The following ZFP57 variants were observed in gnomAD, a reference collection of about 807,000 sequenced individuals.
ZFP57 encodes ZFP57 zinc finger protein.
A neutral mutation model predicts 15.8 loss-of-function variants in ZFP57; 12 were observed. The observed-to-expected ratio is 0.76, with a 90% CI of 0.49 to 1.23. The LOEUF is 1.23. Among genes scored for constraint, ZFP57 ranks in the 50% most tolerant of loss-of-function variants. The pLI is 0.00. For missense variants in ZFP57, 536 were observed against 654.9 expected (o/e 0.82, Z 1.98); for synonymous variants, 203 against 242.3 (o/e 0.84, Z 1.51).
intron 1 of ZFP57, among the ~76,000 whole-genome samples, chr6:29,680,201 G>A (rs1772273198): frequency 6.6e-6 from 1 of 152,200 alleles, no homozygotes; most frequent in Non-Finnish European, 1.5e-5. Context: ...TGTAAGAGCT[G>A]GAGGCCGCCT....
chr6:29,675,903 G>C, intron 3 of ZFP57, 30 bp downstream of exon 3: 1 of 1,612,922 alleles, frequency 6.2e-7, no homozygotes. Context: ...TTAGGACAGG[G>C]GGCTTGCTGA....
chr6:29,680,496 C>T (rs1211029105), intron 1 of ZFP57, among the ~76,000 whole-genome samples: 1 of 152,196 alleles, frequency 6.6e-6, no homozygotes, highest in Non-Finnish European at 1.5e-5. Context: ...CCTGCAGTCG[C>T]ACGGCCCTTT....
chr6:29,673,692 T>C lies in ZFP57; in HGVS notation c.419A>G (p.Lys140Arg). 1 of 1,613,068 alleles carries C rather than the reference T, an allele frequency of 6.2e-7. No homozygotes were observed. Among genetic ancestry groups the C allele is most frequent in the Non-Finnish European group, 8.5e-7 (1 of 1,180,004 alleles). The change falls in exon 5 of 5, where the codon AAG (lysine) becomes AGG (arginine). Residue 140 changes from lysine to arginine, a missense_variant. Physicochemically the swap from Lys to Arg is conservative, Grantham distance 26. Transcript: ENST00000376883. The surrounding 1 kb of genome is among the most constrained non-coding windows in gnomAD (Gnocchi z 4.7). ...SLRDEGTSDD[K>R]VFLACRGAGQ... ...GGCCCCTCTGCATGCAAGGAAGACC[T>C]TGTCATCACTAGTCCCCTCATCTCT...
rs9278235 is a variant in ZFP57, at chr6:29,677,768, TACACAC to T, written c.-363-408_-363-403del. Among the ~76,000 whole-genome samples the T allele has an allele frequency of 8.6e-4, 129 of 149,632 alleles. 2 individuals are homozygous for T. The highest frequency in any genetic ancestry group is 4.3e-4 in the Non-Finnish European group (29 of 67,430). On this transcript the variant is annotated intron_variant, in intron 1 of 4. Transcript: ENST00000376883. ...AAGATCTCTTCCATGACCAAAATTA[TACACAC>T]ACACACACACACACACACACACAAT... is the stretch of plus-strand genomic sequence containing the variant.
Position 29,673,374 on chromosome 6 carries a change from A to C in ZFP57, c.737T>G (p.Leu246Arg), listed in dbSNP as rs1222131878. The C allele has an allele frequency of 6.2e-7, 1 of 1,613,084 alleles. No homozygotes were observed. The highest frequency in any genetic ancestry group is 2.2e-5 in the East Asian group (1 of 44,888). ...CDKTYCDASG[L>R]SRHRRVHLGY... ...CAGATGGACGCGGCGGTGACGACTTAGTCCAGAAGCATCACAGTAGGTCTT... is the reference window on the plus strand; with the variant it reads ...CAGATGGACGCGGCGGTGACGACTTCGTCCAGAAGCATCACAGTAGGTCTT... Residue 246 changes from leucine (L) to arginine (R), a missense_variant, in exon 5 of 5, where the codon CTA becomes CGA. Leu to Arg is a moderately radical substitution (Grantham distance 102). Coordinates refer to ENST00000376883, the MANE Select transcript of ZFP57 (RefSeq NM_001109809.5). The surrounding 1 kb of genome is among the most constrained non-coding windows in gnomAD (Gnocchi z 4.7).
Position 29,675,201 on chromosome 6 carries a change from C to CAACTTGAA in ZFP57, c.352+177_352+184dup, listed in dbSNP as rs9280637. Among the ~76,000 whole-genome samples the CAACTTGAA allele has an allele frequency of 0.22, 32,603 of 145,816 alleles. 3,713 individuals carry two copies. Among genetic ancestry groups the CAACTTGAA allele is most frequent in the East Asian group, 0.34 (1,615 of 4,818 alleles). The stretch of plus-strand genomic sequence containing the variant: ...AGAGAGAGAGAGAGACTTGGATCTT[C>CAACTTGAA]AACTTGAAGTCAAGGGACTTGAGCC... On this transcript the variant is annotated intron_variant, in intron 4 of 4. Transcript: ENST00000376883.
intron 4 of ZFP57, among the ~76,000 whole-genome samples, chr6:29,674,042 C>T (rs1256361134): frequency 1.3e-5 from 2 of 149,028 alleles, no homozygotes; most frequent in Non-Finnish European, 3.0e-5. Flanking sequence ...TGCAGTGAGC[C>T]AAGATGGTGC....
In ZFP57 at chr6:29,673,891, C is replaced by T. The variant is rs1162554921; in HGVS notation, c.353-133G>A. On this transcript the variant is annotated intron_variant, in intron 4 of 4. Coordinates refer to ENST00000376883, the MANE Select transcript of ZFP57 (RefSeq NM_001109809.5). This position sits in a 1 kb window ranked among gnomAD's most constrained non-coding sequence, Gnocchi z 4.7. ...AGCGGATCACCTGAGGTTAGGAGTTCGAAACCAGCCTGACCAACATGGTGA... is the reference window on the plus strand; with the variant it reads ...AGCGGATCACCTGAGGTTAGGAGTTTGAAACCAGCCTGACCAACATGGTGA... 7 of 985,806 alleles carry T rather than the reference C, an allele frequency of 7.1e-6. No homozygotes were observed. The highest frequency in any genetic ancestry group is 4.0e-5 in the Admixed American group (2 of 50,508). The allele number at this position is 985,806 out of a possible 1,614,324, so 61.1% of individuals were successfully genotyped here.
Position 29,676,889 on chromosome 6 carries a change from C to A in ZFP57, c.115G>T (p.Val39Leu). The change falls in exon 2 of 5, where the codon GTG (valine) becomes TTG (leucine). Residue 39 changes from valine to leucine, a missense_variant. By Grantham distance (32) the Val-to-Leu change is conservative (BLOSUM62 1). Coordinates refer to ENST00000376883, the MANE Select transcript of ZFP57 (RefSeq NM_001109809.5). ...MKRDCWREAR[V>L]KKKPVTFEDV... ...TAGCTTAGTCTCCTCACCTTCTTCA[C>A]CCGTGCCTCCCTCCAGCAATCTCTC... 6.2e-7 allele frequency: 1 copy of A among 1,614,144 alleles called. No homozygotes were observed. Among genetic ancestry groups the A allele is most frequent in the Non-Finnish European group, 8.5e-7 (1 of 1,179,984 alleles).
chr6:29,678,434 C>T (rs1464814259), intron 1 of ZFP57, among the ~76,000 whole-genome samples: 2 of 152,134 alleles, frequency 1.3e-5, no homozygotes, highest in African/African-American at 4.8e-5. Context: ...TCAAGAATGC[C>T]TTATTTTACT....
chr6:29,675,196 A>T (rs1434870085), intron 4 of ZFP57, among the ~76,000 whole-genome samples, 190 bp downstream of exon 4: 3 of 128,338 alleles, frequency 2.3e-5, no homozygotes, highest in Non-Finnish European at 1.7e-5. Context: ...AGAGACTTGG[A>T]TCTTCAACTT....
At chr6:29,678,181 G>A (rs3117288) in intron 1 of ZFP57, among the ~76,000 whole-genome samples, 7,738 of 152,252 alleles carry the variant, frequency 0.051, 412 homozygotes, top group African/African-American at 0.14. Flanking sequence ...TCCAGCCTGG[G>A]ACATAGAGCG....
rs1202743486 is a variant in ZFP57 at position 29,676,035 on chromosome 6, C to T, written c.148G>A (p.Ala50Thr). 3.7e-6 allele frequency: 6 copies of T among 1,612,908 alleles called. No individual in the cohort carries two copies. The highest frequency in any genetic ancestry group is 3.3e-5 in the Admixed American group (2 of 59,962). The change falls in exon 3 of 5, where the codon GCA becomes ACA. Residue 50 changes from alanine to threonine, a missense_variant. Ala to Thr is a moderately conservative substitution (Grantham distance 58, BLOSUM62 0). Coordinates refer to ENST00000376883, the MANE Select transcript of ZFP57 (RefSeq NM_001109809.5). ...KKKPVTFEDV[A>T]VNFTQEEWDC... ...CACTCTTCCTGGGTGAAATTCACTG[C>T]CACATCCTCAAAGGTGACTGGCTTC...
Position 29,673,256 on chromosome 6 carries a change from C to T in ZFP57, c.855G>A (p.Glu285=), listed in dbSNP as rs1771823863. The T allele has an allele frequency of 1.2e-6, 2 of 1,613,056 alleles. No homozygotes were observed. Among genetic ancestry groups the T allele is most frequent in the Middle Eastern group, 1.6e-4 (1 of 6,062 alleles). The part of the protein sequence containing the change: ...KRHQKIHQNQ[E]PVDGNQECTL... ...TACACTCCTGGTTTCCATCCACTGG[C>T]TCCTGGTTTTGGTGTATCTTCTGGT... The change falls in exon 5 of 5, where the codon GAG becomes GAA. Residue 285 remains glutamate, a synonymous_variant. Coordinates refer to ENST00000376883, the MANE Select transcript of ZFP57 (RefSeq NM_001109809.5). This position sits in a 1 kb window ranked among gnomAD's most constrained non-coding sequence, Gnocchi z 4.7.
rs755803647 is a variant in ZFP57 at position 29,676,866 on chromosome 6, G to A, written c.123+15C>T. Reference sequence around the variant, plus strand: ...AGGACCTGGACCCCACCTCTCTCTAGCTTAGTCTCCTCACCTTCTTCACCC... The same window carrying A: ...AGGACCTGGACCCCACCTCTCTCTAACTTAGTCTCCTCACCTTCTTCACCC... On this transcript the variant is annotated intron_variant, in intron 2 of 4. Coordinates refer to ENST00000376883, the MANE Select transcript of ZFP57 (RefSeq NM_001109809.5). The A allele has an allele frequency of 3.1e-6, 5 of 1,613,956 alleles. No individual in the cohort carries two copies. Among genetic ancestry groups the A allele is most frequent in the Non-Finnish European group, 2.5e-6 (3 of 1,179,960 alleles).
intron 1 of ZFP57, among the ~76,000 whole-genome samples, chr6:29,678,415 TG>T (rs1738380716): frequency 6.6e-6 from 1 of 152,230 alleles, no homozygotes; most frequent in South Asian, 2.1e-4. Flanking sequence ...GTATAGCAGT[TG>T]CCTGTGCTCA....
chr6:29,676,749 G>A (rs1772097469), intron 2 of ZFP57, 132 bp downstream of exon 2: 1 of 1,206,616 alleles, frequency 8.3e-7, no homozygotes, highest in East Asian at 2.4e-5. Flanking sequence ...AGGTCTTGCA[G>A]CTCCTTTTTC....
intron 2 of ZFP57, among the ~76,000 whole-genome samples, chr6:29,676,554 A>G (rs1322732537): frequency 2.0e-5 from 3 of 151,556 alleles, no homozygotes; most frequent in Non-Finnish European, 4.4e-5. Context: ...AAAAAAGAAA[A>G]AAAAAAAAAG....
At position 29,675,962 on chromosome 6, in the gene ZFP57, G is replaced by T; in HGVS notation, c.221C>A (p.Ser74Ter). 6.2e-7 allele frequency: 1 copy of T among 1,613,294 alleles called. No individual in the cohort carries two copies. The highest frequency in any genetic ancestry group is 1.1e-5 in the South Asian group (1 of 91,078). The change falls in exon 3 of 5, where the codon TCG becomes TAG. Residue 74 changes from serine to a stop codon, truncating the protein, a stop_gained. Transcript: ENST00000376883. LOFTEE classifies it high-confidence loss of function. ...AGATGTTAGATTCTTAAAGGTTTCC[G>T]ACATAACATCCTGGTAAAGGACCCT... ...SQRVLYQDVM[S>*]ETFKNLTSVA...
Sources: gnomAD v4.1 joint callset for allele counts (sites outside exome capture counted in the v4.1 genomes callset) on GRCh38, gnomAD v4.1.1 for gene constraint, Gnocchi (gnomAD v3.1) non-coding constraint, MANE v1.5 for transcripts, NCBI Gene and HGNC (gene_info 2026-07-23, HGNC 2026-07-21) for gene names.